Variants in NUP210 observed in about 807,000 individuals in gnomAD.
NUP210 encodes the protein nuclear pore membrane glycoprotein 210.
In NUP210, 151 loss-of-function variants were observed where a neutral mutation model predicts 196.0. The ratio of observed to expected loss-of-function variants is 0.77; its 90% CI spans 0.67 to 0.88. The LOEUF is 0.88. Ranked by LOEUF, NUP210 falls within the 40% of genes least tolerant of loss-of-function variation. The pLI is 0.00. For synonymous variants in NUP210, 1,070 were observed against 1,052.7 expected (o/e 1.02, Z -0.32); for missense variants, 2,314 against 2,493.7 (o/e 0.93, Z 1.53).
chr3:13,378,754 A>G (rs1186951943), intron 8 of NUP210, among the ~76,000 whole-genome samples, 158 bp downstream of exon 8: 1 of 152,214 alleles, frequency 6.6e-6, no homozygotes, highest in East Asian at 1.9e-4. Context: ...CAAACAGGGA[A>G]GGGCTGGTGA....
chr3:13,366,159 C>T (rs1485915281), intron 13 of NUP210, 68 bp from the exon 14 acceptor site: 33 of 1,491,062 alleles, frequency 2.2e-5, no homozygotes, highest in South Asian at 6.1e-5. Flanking sequence ...GATGGAGTCT[C>T]GCTGTGTTGC....
At chr3:13,375,916 G>A (rs1031455603) in intron 10 of NUP210, among the ~76,000 whole-genome samples, 3 of 152,176 alleles carry the variant, frequency 2.0e-5, no homozygotes, top group African/African-American at 7.2e-5. Flanking sequence ...TGGGGAAACT[G>A]AGGCTTGAGA....
At position 13,341,861 on chromosome 3, in the gene NUP210, T is replaced by A. The variant is rs1310176790; in HGVS notation, c.3115A>T (p.Asn1039Tyr). 6.2e-7 allele frequency: 1 copy of A among 1,614,206 alleles called. No homozygotes were observed. The highest frequency in any genetic ancestry group is 8.5e-7 in the Non-Finnish European group (1 of 1,180,036). Residue 1039 changes from asparagine to tyrosine, a missense_variant, in exon 23 of 40, where the codon AAC becomes TAC. Transcript: ENST00000254508. The part of the protein sequence containing the change: ...TLVALDEALD[N>Y]YTITFLIRGV... ...CGGATGAGGAATGTGATGGTGTAGT[T>A]GTCAAGGGCTTCATCAAGGGCCCTG...
chr3:13,372,806 G>A (rs984561481), intron 12 of NUP210, among the ~76,000 whole-genome samples: 3 of 152,128 alleles, frequency 2.0e-5, no homozygotes, highest in Non-Finnish European at 4.4e-5. Flanking sequence ...AGCTGGCCCC[G>A]GAAGCCAGGT....
chr3:13,323,537 T>C lies in NUP210; in HGVS notation c.4645-105A>G. The C allele has an allele frequency of 7.5e-7, 1 of 1,332,982 alleles. No individual in the cohort carries two copies. Among genetic ancestry groups the C allele is most frequent in the Non-Finnish European group, 1.0e-6 (1 of 960,086 alleles). The allele number at this position is 1,332,982 out of a possible 1,614,324, so 82.6% of individuals were successfully genotyped here. ...GCAGTCTGTGACATAGTGTCACCCGTTTCACAGGTGGCAACACTGAGGCTC... is the reference window on the plus strand; with the variant it reads ...GCAGTCTGTGACATAGTGTCACCCGCTTCACAGGTGGCAACACTGAGGCTC... On this transcript the variant is annotated intron_variant, in intron 33 of 39. Transcript: ENST00000254508. This position sits in a 1 kb window ranked among gnomAD's most constrained non-coding sequence, Gnocchi z 4.3.
In NUP210 at chr3:13,325,883, T is replaced by G; in HGVS notation, c.4556A>C (p.Asp1519Ala). 1.2e-6 allele frequency: 2 copies of G among 1,613,854 alleles called. No individual in the cohort carries two copies. Among genetic ancestry groups the G allele is most frequent in the East Asian group, 2.2e-5 (1 of 44,852 alleles). ...GGCCACAGCCACACCCGTCTTGGGG[T>G]CGATGTGGAGGATGCTGTTGGCCGA... The part of the protein sequence containing the change: ...SSSANSILHI[D>A]PKTGVAVARA... Residue 1519 changes from aspartate (D) to alanine (A), a missense_variant, in exon 33 of 40, where the codon GAC becomes GCC. Physicochemically the swap from Asp to Ala is moderately radical, Grantham distance 126 (BLOSUM62 -2). Coordinates refer to ENST00000254508, the MANE Select transcript of NUP210 (RefSeq NM_024923.4).
At chr3:13,391,414 C>T in intron 3 of NUP210, 107 bp from the exon 4 acceptor site, 1 of 710,818 alleles carries the variant, frequency 1.4e-6, no homozygotes, top group Non-Finnish European at 2.5e-6. Context: ...CTCCACATCA[C>T]CACCCACCAG....
At chr3:13,376,052 G>A (rs556761076) in intron 10 of NUP210, among the ~76,000 whole-genome samples, 11 of 152,332 alleles carry the variant, frequency 7.2e-5, no homozygotes, top group Admixed American at 6.5e-5. Context: ...CCTTCTGTGC[G>A]GGGTAGGAAA....
chr3:13,332,827 A>G (rs1037158533), intron 28 of NUP210, among the ~76,000 whole-genome samples: 2 of 152,174 alleles, frequency 1.3e-5, no homozygotes, highest in Non-Finnish European at 2.9e-5. Context: ...CTGGAAACAC[A>G]GGCCTCTCCC....
rs1324549146 is a variant in NUP210 at position 13,366,048 on chromosome 3, T to C, written c.1830A>G (p.Val610=). 3 of 1,614,208 alleles carry C rather than the reference T, an allele frequency of 1.9e-6. No individual in the cohort carries two copies. In the East Asian group the frequency reaches 6.7e-5, roughly 36 times the overall value. The stretch of plus-strand genomic sequence containing the variant: ...TGGTAGAGCCCTGGGCCTCGGCCTT[T>C]ACCCGGATGCCGCTGCAGTGCTCAG... The part of the protein sequence containing the change: ...PGSEHCSGIR[V]KAEAQGSTTL... The change falls in exon 14 of 40, where the codon GTA becomes GTG. Residue 610 remains valine, a synonymous_variant. Coordinates refer to ENST00000254508, the MANE Select transcript of NUP210 (RefSeq NM_024923.4).
chr3:13,397,324 T>C, intron 3 of NUP210, 33 bp downstream of exon 3: 1 of 1,600,546 alleles, frequency 6.2e-7, no homozygotes, highest in Non-Finnish European at 8.5e-7. Context: ...TAGCATGGGC[T>C]GCAGAAGACA....
rs556627481 is a variant in NUP210, at chr3:13,358,510, G to C, written c.2155-115C>G. On this transcript the variant is annotated intron_variant, in intron 15 of 39. Transcript: ENST00000254508. ...CTCAGTTTTCTCCTCTATAGGATGG[G>C]AGTGATGACGATACCCATGCCACAG... The C allele has an allele frequency of 6.3e-5, 63 of 1,005,022 alleles. 1 individual carries two copies. In the South Asian group the frequency reaches 1.1e-3, roughly 17 times the overall value. The allele number at this position is 1,005,022 out of a possible 1,614,324, so 62.3% of individuals were successfully genotyped here.
chr3:13,328,588 A>T (rs542327444), intron 31 of NUP210, among the ~76,000 whole-genome samples, 183 bp downstream of exon 31: 15 of 152,188 alleles, frequency 9.9e-5, no homozygotes, highest in Non-Finnish European at 4.4e-5. Context: ...GCTGGTCTAC[A>T]TCCCCCAAGG....
At position 13,420,254 on chromosome 3, in the gene NUP210, C is replaced by T; in HGVS notation, c.-28G>A. 9.4e-7 allele frequency: 1 copy of T among 1,068,502 alleles called. No homozygotes were observed. The highest frequency in any genetic ancestry group is 1.1e-6 in the Non-Finnish European group (1 of 884,654). The allele number at this position is 1,068,502 out of a possible 1,614,324, so 66.2% of individuals were successfully genotyped here. On this transcript the variant is annotated 5_prime_UTR_variant, in exon 1 of 40. Transcript: ENST00000254508. The surrounding 1 kb of genome is among the most constrained non-coding windows in gnomAD (Gnocchi z 4.8). ...TCGCCGCGCGTCACCTCCCGCGACC[C>T]TGCGCCCGGCCGCCCGCGCCGCCCC...
chr3:13,331,868 G>A (rs940239268), intron 29 of NUP210, among the ~76,000 whole-genome samples: 6 of 152,138 alleles, frequency 3.9e-5, no homozygotes. Context: ...CCCCTCGCCT[G>A]GGGATCTCCC....
intron 6 of NUP210, among the ~76,000 whole-genome samples, chr3:13,383,888 C>T (rs1335446719): frequency 6.6e-6 from 1 of 152,110 alleles, no homozygotes; most frequent in Non-Finnish European, 1.5e-5. Flanking sequence ...GCTTGCCCAG[C>T]TGGGGCAGTT....
intron 14 of NUP210, among the ~76,000 whole-genome samples, chr3:13,364,685 G>A (rs1576386096): frequency 6.6e-6 from 1 of 152,004 alleles, no homozygotes; most frequent in Non-Finnish European, 1.5e-5. Context: ...AAAATTAGCC[G>A]GGGATGGTGG....
chr3:13,413,531 C>G (rs1260638921), intron 1 of NUP210, among the ~76,000 whole-genome samples: 1 of 152,002 alleles, frequency 6.6e-6, no homozygotes, highest in African/African-American at 2.4e-5. Flanking sequence ...AAGAATATCA[C>G]AGCATTTGTC....
chr3:13,402,877 A>C (rs898898492), intron 1 of NUP210, among the ~76,000 whole-genome samples: 3 of 152,172 alleles, frequency 2.0e-5, no homozygotes, highest in Admixed American at 6.6e-5. Flanking sequence ...ATTGGTTACA[A>C]TGGAGGAGGC....
Sources: allele counts gnomAD v4.1 joint callset (sites outside exome capture counted in the v4.1 genomes callset), GRCh38; gene constraint gnomAD v4.1.1; non-coding constraint Gnocchi (gnomAD v3.1); transcripts MANE v1.5; gene names NCBI Gene and HGNC (gene_info 2026-07-23, HGNC 2026-07-21).